The following CDIN1 variants were observed in gnomAD, a reference collection of about 807,000 sequenced individuals.
The protein encoded by CDIN1 is CDAN1-interacting nuclease 1.
Under a neutral mutation model 45.3 loss-of-function variants are expected in CDIN1, and 33 were observed. The observed-to-expected ratio is 0.73, with a 90% CI of 0.55 to 0.97. The LOEUF (loss-of-function observed/expected upper bound fraction) is 0.97, where lower values mean the gene tolerates loss of function less well. CDIN1 is among the 50% of genes least tolerant of loss of function. The pLI, the probability that CDIN1 is intolerant of heterozygous loss-of-function variation, is 0.00. For missense variants in CDIN1, 303 were observed against 339.4 expected, an observed-to-expected ratio of 0.89 and a Z score of 0.84; for synonymous variants, 118 against 124.4, an observed-to-expected ratio of 0.95 and a Z score of 0.34.
chr15:36,786,974 C>T (rs1270760494), intron 10 of CDIN1, among the ~76,000 whole-genome samples: 2 of 152,136 alleles, frequency 1.3e-5, no homozygotes, highest in East Asian at 1.9e-4. Flanking sequence ...CCTTCTCCTC[C>T]ACCTGCCCCT....
chr15:36,772,424 C>A (rs969798890), intron 10 of CDIN1, among the ~76,000 whole-genome samples: 1 of 152,124 alleles, frequency 6.6e-6, no homozygotes, highest in Non-Finnish European at 1.5e-5. Flanking sequence ...AAATTTAGTT[C>A]TTGAAGCCAT....
At chr15:36,612,013 G>A (rs1253992568) in intron 1 of CDIN1, among the ~76,000 whole-genome samples, 1 of 152,178 alleles carries the variant, frequency 6.6e-6, no homozygotes, top group Non-Finnish European at 1.5e-5. Context: ...CTTGGATAGA[G>A]TGCTGTTCCC....
At chr15:36,805,006 G>A (rs1361790913) in intron 10 of CDIN1, among the ~76,000 whole-genome samples, 1 of 151,834 alleles carries the variant, frequency 6.6e-6, no homozygotes, top group Non-Finnish European at 1.5e-5. Context: ...TTTATAAGGG[G>A]TCATTACTTA....
intron 7 of CDIN1, among the ~76,000 whole-genome samples, chr15:36,696,225 A>G (rs1011139823): frequency 2.0e-5 from 3 of 152,252 alleles, no homozygotes; most frequent in African/African-American, 4.8e-5. Flanking sequence ...ATATCTATTT[A>G]GATACATGTA....
chr15:36,764,890 T>C (rs954502232), intron 10 of CDIN1, among the ~76,000 whole-genome samples: 33 of 152,224 alleles, frequency 2.2e-4, no homozygotes, highest in African/African-American at 7.5e-4. Flanking sequence ...GTGGGCCTGA[T>C]GGGTAATGCC....
intron 1 of CDIN1, among the ~76,000 whole-genome samples, chr15:36,639,557 C>T (rs1261477220): frequency 2.0e-5 from 3 of 152,176 alleles, no homozygotes; most frequent in Admixed American, 2.0e-4. Context: ...CACTGTACTC[C>T]ATCCTGGGTG....
intron 10 of CDIN1, among the ~76,000 whole-genome samples, chr15:36,715,782 G>C (rs1270549469): frequency 6.6e-6 from 1 of 152,172 alleles, no homozygotes; most frequent in Non-Finnish European, 1.5e-5. Flanking sequence ...GTTCCAGACA[G>C]ATACTTGACA....
At position 36,792,483 on chromosome 15, in the gene CDIN1, G is replaced by A. The variant is rs149103487; in HGVS notation, c.717-15841G>A. On this transcript the variant is annotated intron_variant, in intron 10 of 10. Coordinates refer to ENST00000566621, the MANE Select transcript of CDIN1 (RefSeq NM_001321759.2). ...AATCGGGGGAACCCTGTGGAGCTGGGCTGTGAATGTTTATATACACATACT... is the reference window on the plus strand; with the variant it reads ...AATCGGGGGAACCCTGTGGAGCTGGACTGTGAATGTTTATATACACATACT... 3.3e-3 allele frequency among the ~76,000 whole-genome samples: 509 copies of A among 152,130 alleles called. 5 individuals are homozygous for A. The highest frequency in any genetic ancestry group is 0.029 in the East Asian group (148 of 5,164).
intron 10 of CDIN1, among the ~76,000 whole-genome samples, chr15:36,744,575 G>A (rs1205266157): frequency 2.0e-5 from 3 of 152,104 alleles, no homozygotes; most frequent in Admixed American, 6.5e-5. Context: ...ACTGTGATGA[G>A]CAAGACAGAA....
rs1467300134 is a variant in CDIN1 at position 36,629,322 on chromosome 15, G to T, written c.102-14956G>T. On this transcript the variant is annotated intron_variant, in intron 1 of 10. Transcript: ENST00000566621. ...TTAATTTGTTTGATTTTGATAAGTAGTTGGTTTAAGAAGCCATCTGAAGTG... is the reference window on the plus strand; with the variant it reads ...TTAATTTGTTTGATTTTGATAAGTATTTGGTTTAAGAAGCCATCTGAAGTG... Among the ~76,000 whole-genome samples, 8 of 152,300 alleles carry T rather than the reference G, an allele frequency of 5.3e-5. No homozygotes were observed. The East Asian group carries it at 1.5e-3, about 29-fold the overall frequency.
intron 1 of CDIN1, chr15:36,613,827 C>A: frequency 6.2e-7 from 1 of 1,600,580 alleles, no homozygotes. Flanking sequence ...AAGCACATTG[C>A]AGAAGAGGCA....
At chr15:36,745,578 C>T (rs2044391063) in intron 10 of CDIN1, among the ~76,000 whole-genome samples, 1 of 152,070 alleles carries the variant, frequency 6.6e-6, no homozygotes, top group African/African-American at 2.4e-5. Context: ...TGATTTTAGG[C>T]ATCTATCAAT....
intron 10 of CDIN1, among the ~76,000 whole-genome samples, chr15:36,759,361 A>G (rs1214940027): frequency 2.0e-5 from 3 of 152,176 alleles, no homozygotes; most frequent in Non-Finnish European, 2.9e-5. Flanking sequence ...ATTTTGAATT[A>G]TTAGGTCTTG....
intron 8 of CDIN1, chr15:36,704,337 A>C (rs1236241499): frequency 6.6e-6 from 1 of 152,170 alleles, no homozygotes; most frequent in Non-Finnish European, 1.5e-5. Flanking sequence ...AACGGCTATA[A>C]TGAAGTTTTG....
At chr15:36,678,500 TCCATCCAGC>T (rs1681792201) in intron 5 of CDIN1, among the ~76,000 whole-genome samples, 1 of 152,200 alleles carries the variant, frequency 6.6e-6, no homozygotes, top group Non-Finnish European at 1.5e-5. Context: ...AGTTTCCATA[TCCATCCAGC>T]TGTTCAGTTG....
At chr15:36,748,884 TTCC>T (rs1292952836) in intron 10 of CDIN1, among the ~76,000 whole-genome samples, 1 of 152,310 alleles carries the variant, frequency 6.6e-6, no homozygotes, top group African/African-American at 2.4e-5. Context: ...TTGGTTGATT[TTCC>T]TGTTGCCCCT....
Position 36,648,993 on chromosome 15 carries a change from GA to G in CDIN1, c.212+3715del, listed in dbSNP as rs35979949. On this transcript the variant is annotated intron_variant, in intron 3 of 10. Coordinates refer to ENST00000566621, the MANE Select transcript of CDIN1 (RefSeq NM_001321759.2). ...TCCTGTAACACTTCATAAGTGCTAG[GA>G]AAAAAAAAGTTTAATTTGAGGTTGT... is the stretch of plus-strand genomic sequence containing the variant. Among the ~76,000 whole-genome samples, 542 of 151,038 alleles carry G rather than the reference GA, an allele frequency of 3.6e-3. 2 individuals are homozygous for G. Among genetic ancestry groups the G allele is most frequent in the African/African-American group, 0.012 (507 of 41,186 alleles).
At chr15:36,630,894 A>G (rs1306507851) in intron 1 of CDIN1, among the ~76,000 whole-genome samples, 1 of 152,194 alleles carries the variant, frequency 6.6e-6, no homozygotes, top group Non-Finnish European at 1.5e-5. Flanking sequence ...GAACCAATAG[A>G]GCAAGAGCTC....
At chr15:36,602,693 C>G (rs1227032053) in intron 1 of CDIN1, among the ~76,000 whole-genome samples, 1 of 152,168 alleles carries the variant, frequency 6.6e-6, no homozygotes, top group Non-Finnish European at 1.5e-5. Context: ...ATAAGTTGGG[C>G]TGGGCGCAGT....
Sources: allele counts gnomAD v4.1 joint callset (sites outside exome capture counted in the v4.1 genomes callset), GRCh38; gene constraint gnomAD v4.1.1; transcripts MANE v1.5; gene names NCBI Gene and HGNC (gene_info 2026-07-23, HGNC 2026-07-21).